The following TASOR2 variants were observed in gnomAD, a reference collection of about 807,000 sequenced individuals.
TASOR2 encodes transcription activation suppressor family member 2, also known as protein TASOR 2.
TASOR2 carries 84 observed loss-of-function variants against 199.5 expected under a neutral mutation model. The ratio of observed to expected loss-of-function variants is 0.42; its 90% CI spans 0.35 to 0.50. The LOEUF is 0.50. TASOR2 is among the 20% of genes least tolerant of loss of function. The pLI, the probability that TASOR2 is intolerant of heterozygous loss-of-function variation, is 0.02. For missense variants in TASOR2, 2,796 were observed against 2,835.9 expected (o/e 0.99, Z 0.32); for synonymous variants, 1,103 against 1,046.6 (o/e 1.05, Z -1.04).
At chr10:5,726,770 C>T in intron 8 of TASOR2, 115 bp from the exon 10 acceptor site, 1 of 845,668 alleles carries the variant, frequency 1.2e-6, no homozygotes, top group Non-Finnish European at 1.9e-6. Context: ...ATTCCCATAA[C>T]ATTTGCAGAA....
chr10:5,739,604 C>CT lies in TASOR2; in HGVS notation c.1448-10dup. ...AAGCAAACATCTCTCTTTTTTTTTT[C>CT]TTTTATACTGAAGTCAAAGGAGAAA... is the stretch of plus-strand genomic sequence containing the variant. On this transcript the variant is annotated splice_polypyrimidine_tract_variant and intron_variant, in intron 12 of 20. Coordinates refer to ENST00000328090, the Ensembl canonical transcript of TASOR2. 2 of 1,564,494 alleles carry CT rather than the reference C, an allele frequency of 1.3e-6. No homozygotes were observed. Among genetic ancestry groups the CT allele is most frequent in the Non-Finnish European group, 1.7e-6 (2 of 1,157,886 alleles).
At chr10:5,757,003 C>T (rs1839058074) in intron 16 of TASOR2, among the ~76,000 whole-genome samples, 1 of 152,240 alleles carries the variant, frequency 6.6e-6, no homozygotes, top group Non-Finnish European at 1.5e-5. Context: ...ATCTGCATCA[C>T]TTGATGTCTA....
At chr10:5,721,028 T>G in intron 6 of TASOR2, 58 bp downstream of exon 7, 1 of 1,364,608 alleles carries the variant, frequency 7.3e-7, no homozygotes, top group Non-Finnish European at 1.0e-6. Flanking sequence ...TTGGGGTTTT[T>G]TTTCCTCACC....
chr10:5,720,508 G>A lies in TASOR2; in HGVS notation c.-99-36G>A. 6.6e-7 allele frequency: 1 copy of A among 1,518,620 alleles called. No individual in the cohort carries two copies. The allele number at this position is 1,518,620 out of a possible 1,614,324, so 94.1% of individuals were successfully genotyped here. Reference sequence around the variant, plus strand: ...AACTTGGTACATATGCAGTTCCATAGTGCTACCCTGATAATACTTATTTTT... The same window carrying A: ...AACTTGGTACATATGCAGTTCCATAATGCTACCCTGATAATACTTATTTTT... On this transcript the variant is annotated intron_variant, in intron 3 of 20. Transcript: ENST00000328090. This position sits in a 1 kb window ranked among gnomAD's most constrained non-coding sequence, Gnocchi z 5.3.
At chr10:5,695,992 A>G (rs998597616) in intron 1 of TASOR2, among the ~76,000 whole-genome samples, 16 of 152,186 alleles carry the variant, frequency 1.1e-4, no homozygotes, top group South Asian at 2.1e-4. Context: ...ACACCCAGAC[A>G]ACTACTCTCT....
intron 6 of TASOR2, among the ~76,000 whole-genome samples, chr10:5,723,145 G>A (rs763685065): frequency 1.1e-4 from 14 of 128,868 alleles, no homozygotes; most frequent in Non-Finnish European, 1.7e-4. Flanking sequence ...TCCACCTCCT[G>A]GGTTCACGCC....
Position 5,698,733 on chromosome 10 carries a change from G to A in TASOR2, c.-288+13558G>A, listed in dbSNP as rs1178472417. 3.9e-5 allele frequency among the ~76,000 whole-genome samples: 6 copies of A among 152,028 alleles called. No individual in the cohort carries two copies. In the South Asian group the frequency reaches 6.2e-4, roughly 16 times the overall value. On this transcript the variant is annotated intron_variant, in intron 1 of 20. Transcript: ENST00000328090. The surrounding 1 kb of genome is among the most constrained non-coding windows in gnomAD (Gnocchi z 4.4). ...AGTTTGCTGACCTTTTGAAGTAGAT[G>A]GAAAATGTGACCTAAGGTTTTAATA...
rs1215746474 is a variant in TASOR2, at chr10:5,704,501, C to CA, written c.-287-8321dup. Among the ~76,000 whole-genome samples, 3 of 152,054 alleles carry CA rather than the reference C, an allele frequency of 2.0e-5. No individual in the cohort carries two copies. The East Asian group carries it at 5.8e-4, about 29-fold the overall frequency. On this transcript the variant is annotated intron_variant, in intron 1 of 20. Coordinates refer to ENST00000328090, the Ensembl canonical transcript of TASOR2. ...CCTTTTTATTTGTAATGTTGGTTTTCAGTGCCTTGTTTTGTCCTTGATTAA... is the reference window on the plus strand; with the variant it reads ...CCTTTTTATTTGTAATGTTGGTTTTCAAGTGCCTTGTTTTGTCCTTGATTAA...
chr10:5,726,822 G>A, intron 8 of TASOR2, 63 bp from the exon 10 acceptor site: 2 of 1,423,102 alleles, frequency 1.4e-6, no homozygotes, highest in Non-Finnish European at 2.0e-6. Flanking sequence ...ATGAGTATGG[G>A]TAGAGGGAGA....
intron 19 of TASOR2, 72 bp from the exon 21 acceptor site, chr10:5,762,457 TAAA>T: frequency 2.5e-6 from 1 of 395,078 alleles, no homozygotes; most frequent in Non-Finnish European, 4.3e-6. Flanking sequence ...TTTTTTAAAA[TAAA>T]AAACCAGGTC....
chr10:5,730,453 C>T lies in TASOR2; in HGVS notation c.488-34C>T. The stretch of plus-strand genomic sequence containing the variant: ...GAATGTTTTGTTTTTAAAAAATAAA[C>T]TTCAGATGTTTAATACGTGTGTATA... On this transcript the variant is annotated intron_variant, in intron 10 of 20. Coordinates refer to ENST00000328090, the Ensembl canonical transcript of TASOR2. The surrounding 1 kb of genome is among the most constrained non-coding windows in gnomAD (Gnocchi z 4.1). 7.0e-7 allele frequency: 1 copy of T among 1,421,092 alleles called. No homozygotes were observed. Among genetic ancestry groups the T allele is most frequent in the South Asian group, 1.6e-5 (1 of 63,702 alleles). The allele number at this position is 1,421,092 out of a possible 1,614,324, so 88.0% of individuals were successfully genotyped here. A position where few individuals can be genotyped will look rare whatever the true frequency, so the allele number is the denominator to read the frequency against.
chr10:5,725,142 G>A (rs1285779302), intron 8 of TASOR2, among the ~76,000 whole-genome samples: 1 of 152,118 alleles, frequency 6.6e-6, no homozygotes, highest in Admixed American at 6.5e-5. Context: ...GTTCACGCCT[G>A]TAATCCCAGC....
intron 15 of TASOR2, among the ~76,000 whole-genome samples, chr10:5,756,224 T>C (rs754065436): frequency 1.6e-4 from 25 of 152,166 alleles, no homozygotes; most frequent in Non-Finnish European, 3.1e-4. Context: ...CAGTCCCCTT[T>C]AATGGTAAAG....
chr10:5,747,144 C>T (rs767331367), exon 15 of TASOR2: 3 of 1,614,096 alleles, frequency 1.9e-6, no homozygotes, highest in Non-Finnish European at 2.5e-6. Flanking sequence ...GGAAGAATCA[C>T]AAGAATGGTC....
At chr10:5,688,065 T>C (rs957315472) in intron 1 of TASOR2, among the ~76,000 whole-genome samples, 2 of 152,238 alleles carry the variant, frequency 1.3e-5, no homozygotes, top group Admixed American at 1.3e-4. Context: ...TCTGCTTTTG[T>C]ATTCATTGTG....
At position 5,748,450 on chromosome 10, in the gene TASOR2, G is replaced by C; in HGVS notation, c.5029G>C (p.Glu1677Gln). 6.2e-7 allele frequency: 1 copy of C among 1,614,210 alleles called. No homozygotes were observed. ...CCATTATGTAAGACCAATAAATGCA[G>C]AGCCAGTGTTTCAAGCACAGGAAAT... The change falls in exon 15 of 21, where the codon GAG becomes CAG. Residue 1677 changes from glutamate (E) to glutamine (Q), a missense_variant. Glu to Gln is a conservative substitution (Grantham distance 29). Around this residue, in one of 3 missense-constraint regions of TASOR2, gnomAD observed 1,941 missense variants for 1,924.9 expected, o/e 1.01. Coordinates refer to ENST00000328090, the Ensembl canonical transcript of TASOR2. The surrounding 1 kb of genome is among the most constrained non-coding windows in gnomAD (Gnocchi z 5.1).
intron 2 of TASOR2, among the ~76,000 whole-genome samples, chr10:5,715,622 T>C (rs1022448217): frequency 3.4e-5 from 5 of 144,976 alleles, no homozygotes; most frequent in African/African-American, 1.3e-4. Context: ...ATTCCAAGAA[T>C]TGCATTGGTA....
At chr10:5,713,016 T>A in intron 2 of TASOR2, 98 bp downstream of exon 2, 1 of 573,650 alleles carries the variant, frequency 1.7e-6, no homozygotes, top group South Asian at 9.6e-5. Context: ...AATTCATCAG[T>A]GTTTTTTGTT....
intron 11 of TASOR2, among the ~76,000 whole-genome samples, chr10:5,731,651 C>G (rs1323623719): frequency 2.0e-5 from 3 of 152,168 alleles, no homozygotes; most frequent in Non-Finnish European, 4.4e-5. Flanking sequence ...ATTTGTGTGC[C>G]TCCTAATGCC....
Sources: gnomAD v4.1 joint callset for allele counts (sites outside exome capture counted in the v4.1 genomes callset) on GRCh38, gnomAD v4.1.1 for gene constraint, gnomAD v4.1.1 regional missense constraint, Gnocchi (gnomAD v3.1) non-coding constraint, MANE v1.5 for transcripts, NCBI Gene and HGNC (gene_info 2026-07-23, HGNC 2026-07-21) for gene names.